WWOX: variants seen among roughly 807,000 people sequenced by gnomAD.
The protein encoded by WWOX is WW domain-containing oxidoreductase.
WWOX carries 69 observed loss-of-function variants against 46.2 expected under a neutral mutation model. The observed-to-expected ratio is 1.49, with a 90% CI of 1.23 to 1.82. The LOEUF (loss-of-function observed/expected upper bound fraction) is 1.82. Among genes scored for constraint, WWOX ranks in the 40% most tolerant of loss-of-function variants. The pLI is 0.00. For synonymous variants in WWOX, 359 were observed against 202.6 expected (o/e 1.77, Z -6.56); for missense variants, 919 against 542.6 (o/e 1.69, Z -6.89).
chr16:79,137,414 A>T (rs1051903060), intron 8 of WWOX, among the ~76,000 whole-genome samples: 1 of 152,182 alleles, frequency 6.6e-6, no homozygotes, highest in Non-Finnish European at 1.5e-5. Flanking sequence ...TAACTTGGAG[A>T]TGTAAGCATT....
chr16:78,759,136 A>C (rs1238449140), intron 8 of WWOX, among the ~76,000 whole-genome samples: 1 of 152,078 alleles, frequency 6.6e-6, no homozygotes, highest in Non-Finnish European at 1.5e-5. Context: ...TGATCTGTGC[A>C]ATTTTTTCAG....
At chr16:78,636,611 T>C (rs1366808205) in intron 8 of WWOX, among the ~76,000 whole-genome samples, 1 of 152,198 alleles carries the variant, frequency 6.6e-6, no homozygotes, top group Non-Finnish European at 1.5e-5. Flanking sequence ...ATGGGAACTT[T>C]TAAAACTGAT....
chr16:79,087,119 G>A (rs887785274), intron 8 of WWOX, among the ~76,000 whole-genome samples: 1 of 152,184 alleles, frequency 6.6e-6, no homozygotes, highest in Admixed American at 6.5e-5. Context: ...TTGCATTTTA[G>A]AGGTAAGAAG....
intron 8 of WWOX, among the ~76,000 whole-genome samples, chr16:78,532,050 G>A (rs536019051): frequency 6.6e-6 from 1 of 151,300 alleles, no homozygotes; most frequent in Admixed American, 6.6e-5. Context: ...AGTGGTATTT[G>A]GGGGAGTAGG....
At chr16:78,540,879 C>A (rs2043875842) in intron 8 of WWOX, among the ~76,000 whole-genome samples, 1 of 151,956 alleles carries the variant, frequency 6.6e-6, no homozygotes, top group Non-Finnish European at 1.5e-5. Flanking sequence ...AGAGGTAGAG[C>A]CTCACTTTGC....
chr16:78,753,961 C>A (rs899330193), intron 8 of WWOX, among the ~76,000 whole-genome samples: 1 of 149,486 alleles, frequency 6.7e-6, no homozygotes, highest in African/African-American at 2.5e-5. Flanking sequence ...CTGTCTAACA[C>A]AATCCAATTT....
At chr16:78,525,582 G>T (rs964499090) in intron 8 of WWOX, 1 of 152,108 alleles carries the variant, frequency 6.6e-6, no homozygotes, top group African/African-American at 2.4e-5. Context: ...AAAATGTCTG[G>T]TAGCATCCAC....
Position 78,356,508 on chromosome 16 carries a change from C to T in WWOX, c.517-30352C>T, listed in dbSNP as rs1262067796. The stretch of plus-strand genomic sequence containing the variant: ...GTTGTAAGTCGCCTACCCTAGACCT[C>T]ATCTCCAGTGCTCTGAATGTGGAGA... On this transcript the variant is annotated intron_variant, in intron 5 of 8. Transcript: ENST00000566780. 2.0e-5 allele frequency among the ~76,000 whole-genome samples: 3 copies of T among 152,172 alleles called. No homozygotes were observed. The East Asian group carries it at 5.8e-4, about 29-fold the overall frequency.
chr16:79,031,808 ATAAT>A (rs1232023855), intron 8 of WWOX, among the ~76,000 whole-genome samples: 1 of 137,166 alleles, frequency 7.3e-6, no homozygotes, highest in Non-Finnish European at 1.6e-5. Context: ...AGATATCTAT[ATAAT>A]ATATATAATC....
At chr16:79,008,047 A>T (rs12928261) in intron 8 of WWOX, among the ~76,000 whole-genome samples, 53,699 of 152,086 alleles carry the variant, frequency 0.35, 11,240 homozygotes, top group Non-Finnish European at 0.47. Context: ...TCAGGGTCTC[A>T]TGAGGCTGAA....
chr16:78,911,025 T>TA (rs2045096810), intron 8 of WWOX, among the ~76,000 whole-genome samples: 1 of 151,960 alleles, frequency 6.6e-6, no homozygotes, highest in Non-Finnish European at 1.5e-5. Flanking sequence ...TTAAAAAAAT[T>TA]AAAAAATGGC....
chr16:78,879,487 C>G (rs893365058), intron 8 of WWOX, among the ~76,000 whole-genome samples: 6 of 151,574 alleles, frequency 4.0e-5, no homozygotes, highest in Admixed American at 3.9e-4. Context: ...CCACCCTGGT[C>G]TTCAAGTCCA....
At chr16:78,953,657 C>T (rs924290981) in intron 8 of WWOX, among the ~76,000 whole-genome samples, 1 of 152,162 alleles carries the variant, frequency 6.6e-6, no homozygotes, top group Non-Finnish European at 1.5e-5. Context: ...TTATTGAGGT[C>T]CACCTCTGTG....
chr16:78,953,431 G>T (rs1318938632), intron 8 of WWOX, among the ~76,000 whole-genome samples: 4 of 151,952 alleles, frequency 2.6e-5, no homozygotes, highest in Admixed American at 2.6e-4. Context: ...TTTGAAACCT[G>T]TTCATCAACA....
intron 8 of WWOX, among the ~76,000 whole-genome samples, chr16:78,922,244 A>G (rs541842914): frequency 6.6e-6 from 1 of 152,172 alleles, no homozygotes; most frequent in Non-Finnish European, 1.5e-5. Flanking sequence ...AGAATGGTTC[A>G]TCTGCAACCT....
intron 5 of WWOX, among the ~76,000 whole-genome samples, chr16:78,378,771 A>G (rs1031412823): frequency 1.3e-5 from 2 of 152,218 alleles, no homozygotes; most frequent in South Asian, 2.1e-4. Flanking sequence ...GCCATTAGCA[A>G]TAAGCTCTGA....
At chr16:78,939,451 G>A (rs1055076459) in intron 8 of WWOX, among the ~76,000 whole-genome samples, 2 of 152,170 alleles carry the variant, frequency 1.3e-5, no homozygotes, top group African/African-American at 4.8e-5. Context: ...TGGCAAATAT[G>A]TATCCTTTAA....
At chr16:78,415,212 G>C (rs1447021904) in intron 6 of WWOX, among the ~76,000 whole-genome samples, 1 of 151,868 alleles carries the variant, frequency 6.6e-6, no homozygotes. Flanking sequence ...CCCCTTTTTA[G>C]ACCATATAGG....
At chr16:78,495,978 A>C (rs1304769264) in intron 8 of WWOX, 3 of 152,226 alleles carry the variant, frequency 2.0e-5, no homozygotes, top group Non-Finnish European at 4.4e-5. Context: ...TTAAACGGAT[A>C]ACCACAGTCT....
Sources: gnomAD v4.1 joint callset for allele counts (sites outside exome capture counted in the v4.1 genomes callset) on GRCh38, gnomAD v4.1.1 for gene constraint, MANE v1.5 for transcripts, NCBI Gene and HGNC (gene_info 2026-07-23, HGNC 2026-07-21) for gene names.